The following CDKL2 variants were observed in gnomAD, a reference collection of about 807,000 sequenced individuals.
The protein encoded by CDKL2 is cyclin-dependent kinase-like 2.
CDKL2 carries 64 observed loss-of-function variants against 63.9 expected under a neutral mutation model. That is an observed-to-expected ratio of 1.00 (90% CI 0.82 to 1.23). The LOEUF (loss-of-function observed/expected upper bound fraction) is 1.23. Ranked by LOEUF, CDKL2 falls within the 50% of genes most tolerant of loss-of-function variation. The pLI, the probability that CDKL2 is intolerant of heterozygous loss-of-function variation, is 0.00. For missense variants in CDKL2, 656 were observed against 668.0 expected (o/e 0.98, Z 0.20); for synonymous variants, 211 against 229.2 (o/e 0.92, Z 0.72).
At chr4:75,591,272 A>C (rs1388061793) in intron 12 of CDKL2, among the ~76,000 whole-genome samples, 1 of 152,188 alleles carries the variant, frequency 6.6e-6, no homozygotes, top group African/African-American at 2.4e-5. Context: ...TAGGCTGCAT[A>C]CCCAGACACA....
At position 75,625,836 on chromosome 4, in the gene CDKL2, T is replaced by A; in HGVS notation, c.153A>T (p.Glu51Asp). Reference protein sequence around the residue: ...DKMVKKIAMREIKLLKQLRHE... With the variant: ...DKMVKKIAMRDIKLLKQLRHE... ...ATTTACTCACCTTTAGTAACTTGAT[T>A]TCTCGCATTGCAATCTTTTTAACCA... Residue 51 changes from glutamate (E) to aspartate (D), a missense_variant, in exon 2 of 14, where the codon GAA becomes GAT. Transcript: ENST00000307465. 6.2e-7 allele frequency: 1 copy of A among 1,611,486 alleles called. No homozygotes were observed. The highest frequency in any genetic ancestry group is 8.5e-7 in the Non-Finnish European group (1 of 1,179,354).
intron 5 of CDKL2, 151 bp from the exon 6 acceptor site, chr4:75,604,107 T>C (rs1462199764): frequency 1.5e-6 from 1 of 679,640 alleles, no homozygotes; most frequent in Non-Finnish European, 2.5e-6. Context: ...GACAATGCCG[T>C]TACTGTGGTG....
At chr4:75,603,778 A>C (rs775179407) in intron 6 of CDKL2, 39 bp downstream of exon 6, 1 of 1,510,610 alleles carries the variant, frequency 6.6e-7, no homozygotes, top group South Asian at 1.3e-5. Flanking sequence ...ATAGTGCATA[A>C]ATTCCCTGTC....
intron 12 of CDKL2, among the ~76,000 whole-genome samples, chr4:75,583,988 G>T (rs904824781): frequency 1.2e-4 from 19 of 152,176 alleles, no homozygotes; most frequent in Admixed American, 9.8e-4. Context: ...AACATTCTGT[G>T]ATCAGCAGGA....
At chr4:75,613,224 C>T (rs1040425336) in intron 3 of CDKL2, among the ~76,000 whole-genome samples, 1 of 152,038 alleles carries the variant, frequency 6.6e-6, no homozygotes, top group African/African-American at 2.4e-5. Flanking sequence ...CCAGTGGAAA[C>T]TAGGTATCTG....
chr4:75,620,780 G>A (rs1730118416), intron 2 of CDKL2, among the ~76,000 whole-genome samples: 1 of 152,118 alleles, frequency 6.6e-6, no homozygotes. Context: ...GGGCCGTGAA[G>A]GTGAAAAGAA....
At position 75,607,363 on chromosome 4, in the gene CDKL2, T is replaced by C. The variant is rs776801759; in HGVS notation, c.364-2A>G. 5 of 1,609,302 alleles carry C rather than the reference T, an allele frequency of 3.1e-6. No individual in the cohort carries two copies. Among genetic ancestry groups the C allele is most frequent in the South Asian group, 1.1e-5 (1 of 90,804 alleles). Reference sequence around the variant, plus strand: ...TGGCTTTATATCTCTGTGTATGATCTAGACAAGAAGCAGAGTGTGACGGAT... The same window carrying C: ...TGGCTTTATATCTCTGTGTATGATCCAGACAAGAAGCAGAGTGTGACGGAT... On this transcript the variant is annotated splice_acceptor_variant, in intron 3 of 13. Transcript: ENST00000307465. LOFTEE classifies it high-confidence loss of function.
At chr4:75,605,688 C>T in intron 4 of CDKL2, 54 bp from the exon 5 acceptor site, 2 of 1,187,830 alleles carry the variant, frequency 1.7e-6, no homozygotes, top group Admixed American at 1.8e-5. Context: ...GCTCCAAAAC[C>T]CAAAGCTTTT....
At chr4:75,624,966 T>C (rs1246835097) in intron 2 of CDKL2, among the ~76,000 whole-genome samples, 4 of 152,196 alleles carry the variant, frequency 2.6e-5, no homozygotes, top group Non-Finnish European at 5.9e-5. Context: ...AACACACTAA[T>C]AATACTGTTT....
At chr4:75,626,559 C>G (rs1414466272) in intron 1 of CDKL2, among the ~76,000 whole-genome samples, 1 of 151,218 alleles carries the variant, frequency 6.6e-6, no homozygotes, top group Admixed American at 6.6e-5. Context: ...CCCAGCTACT[C>G]GGGAGGCTGA....
chr4:75,616,321 A>G (rs1729923893), intron 2 of CDKL2, among the ~76,000 whole-genome samples: 1 of 151,908 alleles, frequency 6.6e-6, no homozygotes, highest in Non-Finnish European at 1.5e-5. Context: ...TAAAAAATGA[A>G]AAAAGATTAC....
chr4:75,620,083 A>G (rs914863923), intron 2 of CDKL2, among the ~76,000 whole-genome samples: 4 of 152,100 alleles, frequency 2.6e-5, no homozygotes, highest in African/African-American at 9.7e-5. Flanking sequence ...CTTCAAAGCT[A>G]CTTAGGAAGC....
chr4:75,589,555 C>T (rs1256129040), intron 12 of CDKL2, among the ~76,000 whole-genome samples: 7 of 151,830 alleles, frequency 4.6e-5, no homozygotes, highest in Non-Finnish European at 1.0e-4. Context: ...CCGCCCGCCT[C>T]GGCCTCCCAA....
intron 3 of CDKL2, among the ~76,000 whole-genome samples, chr4:75,613,731 A>G (rs558074166): frequency 6.6e-6 from 1 of 152,188 alleles, no homozygotes; most frequent in South Asian, 2.1e-4. Context: ...AAATTTGTGC[A>G]TTTCGCTTAG....
At chr4:75,621,605 A>G (rs35728690) in intron 2 of CDKL2, among the ~76,000 whole-genome samples, 35,867 of 151,856 alleles carry the variant, frequency 0.24, 4,625 homozygotes, top group Middle Eastern at 0.36. Context: ...GCATGATCAT[A>G]GCACACCACA....
At chr4:75,611,288 A>G (rs563717359) in intron 3 of CDKL2, among the ~76,000 whole-genome samples, 7 of 152,092 alleles carry the variant, frequency 4.6e-5, no homozygotes, top group African/African-American at 1.4e-4. Context: ...GCGAAACCCC[A>G]TCTCTACTAA....
At chr4:75,629,769 G>A (rs944759041) in intron 1 of CDKL2, among the ~76,000 whole-genome samples, 6 of 151,870 alleles carry the variant, frequency 4.0e-5, no homozygotes, top group African/African-American at 1.5e-4. Context: ...GAGAAACCCT[G>A]TCTCTACTAA....
Position 75,597,039 on chromosome 4 carries a change from C to T in CDKL2, c.1218G>A (p.Arg406=). 6.2e-7 allele frequency: 1 copy of T among 1,614,152 alleles called. No individual in the cohort carries two copies. The highest frequency in any genetic ancestry group is 8.5e-7 in the Non-Finnish European group (1 of 1,180,016). The change falls in exon 9 of 14, where the codon AGG becomes AGA. Residue 406 remains arginine (R), a synonymous_variant. Coordinates refer to ENST00000307465, the MANE Select transcript of CDKL2 (RefSeq NM_001330724.2). ...DCSNVSVDHT[R]NPSVAIPPLT... ...GTGGGGGAATTGCCACGCTTGGATT[C>T]CTTGTGTGGTCCACGCTGACATTGC...
intron 1 of CDKL2, among the ~76,000 whole-genome samples, chr4:75,627,158 G>C (rs1449824849): frequency 6.7e-6 from 1 of 150,146 alleles, no homozygotes; most frequent in Non-Finnish European, 1.5e-5. Context: ...AGCCAAGATA[G>C]CACTATTGCA....
Sources: gnomAD v4.1 joint callset for allele counts (sites outside exome capture counted in the v4.1 genomes callset) on GRCh38, gnomAD v4.1.1 for gene constraint, MANE v1.5 for transcripts, NCBI Gene and HGNC (gene_info 2026-07-23, HGNC 2026-07-21) for gene names.